Variants in DYNLT5 observed in about 807,000 individuals in gnomAD.
DYNLT5 encodes the protein dynein light chain Tctex-type 5.
DYNLT5 carries 25 observed loss-of-function variants against 19.3 expected under a neutral mutation model. That is an observed-to-expected ratio of 1.30 (90% CI 0.95 to 1.81). The LOEUF (loss-of-function observed/expected upper bound fraction) is 1.81, where lower values mean the gene tolerates loss of function less well. DYNLT5 is among the 40% of genes most tolerant of loss of function. The pLI, the probability that DYNLT5 is intolerant of heterozygous loss-of-function variation, is 0.00. For synonymous variants in DYNLT5, 82 were observed against 68.9 expected (o/e 1.19, Z -0.94); for missense variants, 232 against 217.9 (o/e 1.06, Z -0.41).
At chr1:66,757,804 G>GT (rs999368662) in intron 2 of DYNLT5, among the ~76,000 whole-genome samples, 92 of 151,888 alleles carry the variant, frequency 6.1e-4, no homozygotes, top group African/African-American at 1.9e-3. Context: ...AAGGGGAACA[G>GT]TTTTTTTTGC....
At chr1:66,768,478 A>G (rs1011531959) in intron 2 of DYNLT5, among the ~76,000 whole-genome samples, 3 of 152,230 alleles carry the variant, frequency 2.0e-5, no homozygotes, top group African/African-American at 7.2e-5. Context: ...TCAATCTGCA[A>G]AACTTTCTAT....
At chr1:66,776,056 A>G in intron 3 of DYNLT5, 1 of 420,798 alleles carries the variant, frequency 2.4e-6, no homozygotes, top group South Asian at 3.8e-5. Context: ...GCAGTATTGA[A>G]CACACTTTTG....
intron 3 of DYNLT5, among the ~76,000 whole-genome samples, chr1:66,773,815 C>T (rs1645218683): frequency 6.6e-6 from 1 of 151,552 alleles, no homozygotes; most frequent in Non-Finnish European, 1.5e-5. Context: ...ATTTCTAAAA[C>T]ACGTTTTTTC....
At chr1:66,772,047 T>C (rs1645207343) in intron 3 of DYNLT5, among the ~76,000 whole-genome samples, 1 of 152,228 alleles carries the variant, frequency 6.6e-6, no homozygotes, top group South Asian at 2.1e-4. Flanking sequence ...AACCAGCCAT[T>C]TTATTAATAC....
At chr1:66,756,108 G>T (rs1457992839) in intron 2 of DYNLT5, among the ~76,000 whole-genome samples, 2 of 152,004 alleles carry the variant, frequency 1.3e-5, no homozygotes, top group Non-Finnish European at 2.9e-5. Flanking sequence ...TATTATTGAT[G>T]AATATAAATA....
intron 2 of DYNLT5, among the ~76,000 whole-genome samples, chr1:66,758,273 T>G (rs1014250513): frequency 2.6e-5 from 4 of 152,220 alleles, no homozygotes; most frequent in Non-Finnish European, 5.9e-5. Flanking sequence ...ATCTTTCTTA[T>G]TGGAAGCTCA....
intron 2 of DYNLT5, among the ~76,000 whole-genome samples, chr1:66,762,496 C>T (rs2094647750): frequency 1.3e-5 from 2 of 152,184 alleles, no homozygotes; most frequent in Admixed American, 6.5e-5. Flanking sequence ...AGACTTGAAC[C>T]CGTCAAAGTC....
At chr1:66,773,383 T>A (rs1471279098) in intron 3 of DYNLT5, among the ~76,000 whole-genome samples, 2 of 152,108 alleles carry the variant, frequency 1.3e-5, no homozygotes, top group Non-Finnish European at 2.9e-5. Context: ...CTATGTCAGG[T>A]TTTCTTAGAG....
Position 66,778,107 on chromosome 1 carries a change from C to T in DYNLT5, c.*653C>T, listed in dbSNP as rs1385747805. ...CAATTGTGGGAGAACCGAAAGTTGG[C>T]TCTTCAGTAATGGAAACTATAAAGT... On this transcript the variant is annotated 3_prime_UTR_variant, in exon 5 of 5. Coordinates refer to ENST00000282670, the MANE Select transcript of DYNLT5 (RefSeq NM_152665.3). 2.6e-5 allele frequency: 4 copies of T among 152,620 alleles called. No homozygotes were observed. The allele number at this position is 152,620 out of a possible 1,614,324, so 9.5% of individuals were successfully genotyped here. A position where few individuals can be genotyped will look rare whatever the true frequency, so the allele number is the denominator to read the frequency against.
chr1:66,770,141 C>A (rs1645195498), intron 2 of DYNLT5, among the ~76,000 whole-genome samples: 1 of 152,158 alleles, frequency 6.6e-6, no homozygotes, highest in African/African-American at 2.4e-5. Context: ...AATTTGATGA[C>A]CTGGGTAACT....
intron 2 of DYNLT5, among the ~76,000 whole-genome samples, chr1:66,761,855 A>T (rs1252526781): frequency 6.6e-6 from 1 of 152,258 alleles, no homozygotes; most frequent in East Asian, 1.9e-4. Flanking sequence ...TCTTCCTTTC[A>T]TGAAAGATTT....
intron 2 of DYNLT5, chr1:66,768,886 C>T (rs1274235434): frequency 1.1e-4 from 17 of 152,208 alleles, no homozygotes. Context: ...GCCTTTTATA[C>T]ATGTACATTA....
At chr1:66,761,978 A>G (rs183890994) in intron 2 of DYNLT5, among the ~76,000 whole-genome samples, 257 of 152,264 alleles carry the variant, frequency 1.7e-3, no homozygotes, top group African/African-American at 5.9e-3. Context: ...TGTATGTAAT[A>G]TTCTAAATTA....
rs770651273 is a variant in DYNLT5, at chr1:66,777,645, G to A, written c.*191G>A. ...GGAGGGTAGCCACAGAAAGAATCTT[G>A]TTTATCTAAAGCAGGAACTTGATCT... On this transcript the variant is annotated 3_prime_UTR_variant, in exon 5 of 5. Transcript: ENST00000282670. 1 of 468,856 alleles carries A rather than the reference G, an allele frequency of 2.1e-6. No individual in the cohort carries two copies. Among genetic ancestry groups the A allele is most frequent in the African/African-American group, 1.9e-5 (1 of 51,614 alleles). The allele number at this position is 468,856 out of a possible 1,614,324, so 29.0% of individuals were successfully genotyped here. A position where few individuals can be genotyped will look rare whatever the true frequency, so the allele number is the denominator to read the frequency against.
intron 1 of DYNLT5, 122 bp from the exon 2 acceptor site, chr1:66,754,534 C>T (rs1429095013): frequency 1.9e-5 from 19 of 1,022,442 alleles, no homozygotes; most frequent in Non-Finnish European, 2.5e-5. Context: ...TGAGGAAACC[C>T]CACTTTCCTG....
intron 3 of DYNLT5, 118 bp downstream of exon 3, chr1:66,770,596 T>C (rs1361821894): frequency 1.2e-6 from 1 of 835,112 alleles, no homozygotes; most frequent in Non-Finnish European, 2.1e-6. Context: ...TAAGGGACTT[T>C]AATGAATTGA....
At chr1:66,756,707 A>G (rs2094636606) in intron 2 of DYNLT5, among the ~76,000 whole-genome samples, 2 of 152,170 alleles carry the variant, frequency 1.3e-5, no homozygotes, top group South Asian at 4.1e-4. Context: ...TGACTTAATG[A>G]TTAGGATACA....
chr1:66,754,616 G>T, intron 1 of DYNLT5, 40 bp from the exon 2 acceptor site: 48 of 1,561,680 alleles, frequency 3.1e-5, no homozygotes, highest in Non-Finnish European at 4.0e-5. Flanking sequence ...AATGTTTCCG[G>T]ATCTTTCTTT....
intron 2 of DYNLT5, among the ~76,000 whole-genome samples, chr1:66,762,335 G>C (rs2094647371): frequency 6.6e-6 from 1 of 152,064 alleles, no homozygotes; most frequent in South Asian, 2.1e-4. Flanking sequence ...CTAGCTCTTT[G>C]AATCTATGTA....
Sources: gnomAD v4.1 joint callset for allele counts (sites outside exome capture counted in the v4.1 genomes callset) on GRCh38, gnomAD v4.1.1 for gene constraint, MANE v1.5 for transcripts, NCBI Gene and HGNC (gene_info 2026-07-23, HGNC 2026-07-21) for gene names.